Variants in SYNE1 observed in about 807,000 individuals in gnomAD.
SYNE1 encodes nesprin-1.
SYNE1 carries 616 observed loss-of-function variants against 1,111.0 expected under a neutral mutation model. The ratio of observed to expected loss-of-function variants is 0.55; its 90% CI spans 0.52 to 0.59. The LOEUF is 0.59. SYNE1 is among the 20% of genes least tolerant of loss of function. SYNE1 has a pLI of 0.00. For missense variants in SYNE1, 10,006 were observed against 10,417.0 expected (o/e 0.96, Z 1.72); for synonymous variants, 3,855 against 3,825.8 (o/e 1.01, Z -0.28).
intron 85 of SYNE1, among the ~76,000 whole-genome samples, chr6:152,318,659 A>G (rs915871438): frequency 6.6e-6 from 1 of 152,214 alleles, no homozygotes; most frequent in Non-Finnish European, 1.5e-5. Context: ...ATGCATGTAT[A>G]TTTATTAATA....
At chr6:152,219,385 A>G (rs958643665) in intron 119 of SYNE1, among the ~76,000 whole-genome samples, 200 bp from the exon 120 acceptor site, 28 of 152,112 alleles carry the variant, frequency 1.8e-4, no homozygotes, top group Admixed American at 1.6e-3. Flanking sequence ...TTAAACATAC[A>G]TTATACACAT....
chr6:152,300,729 C>T lies in SYNE1; in HGVS notation c.17594G>A (p.Gly5865Glu). ...AATCTCACTGTTGGTTCCCTCCTCC[C>T]CAGACTCCTCAGTGACCGGTGACAG... ...TLLSPVTEES[G>E]EEGTNSEISS... The change falls in exon 93 of 146, where the codon GGG becomes GAG. Residue 5865 changes from glycine (G) to glutamate (E), a missense_variant. Coordinates refer to ENST00000367255, the MANE Select transcript of SYNE1 (RefSeq NM_182961.4). 6.2e-7 allele frequency: 1 copy of T among 1,614,194 alleles called. No individual in the cohort carries two copies. The highest frequency in any genetic ancestry group is 8.5e-7 in the Non-Finnish European group (1 of 1,180,032).
At chr6:152,189,635 C>T (rs1198782710) in intron 127 of SYNE1, among the ~76,000 whole-genome samples, 1 of 152,052 alleles carries the variant, frequency 6.6e-6, no homozygotes, top group African/African-American at 2.4e-5. Context: ...TTTCTCAGTG[C>T]ATATAAAAGT....
In SYNE1 at chr6:152,238,415, G is replaced by A. The variant is rs377691241; in HGVS notation, c.20067+1118C>T. The stretch of plus-strand genomic sequence containing the variant: ...AGATGGATTCATGTAAATGTAAGAA[G>A]TCTTGCCAGGGACCTGACATGTCAA... On this transcript the variant is annotated intron_variant, in intron 108 of 145. Transcript: ENST00000367255. 1.4e-4 allele frequency among the ~76,000 whole-genome samples: 22 copies of A among 152,272 alleles called. No individual in the cohort carries two copies. In the South Asian group the frequency reaches 3.1e-3, roughly 22 times the overall value.
At chr6:152,427,005 T>C (rs2098368439) in intron 38 of SYNE1, among the ~76,000 whole-genome samples, 1 of 152,254 alleles carries the variant, frequency 6.6e-6, no homozygotes, top group Non-Finnish European at 1.5e-5. Flanking sequence ...TAAATCTTTT[T>C]TGAGAAGCAA....
At chr6:152,203,855 C>CA (rs964764022) in intron 126 of SYNE1, among the ~76,000 whole-genome samples, 6 of 151,070 alleles carry the variant, frequency 4.0e-5, no homozygotes, top group Admixed American at 6.6e-5. Context: ...TCTTAAAAAA[C>CA]AAAAAAAAAT....
intron 137 of SYNE1, chr6:152,146,065 TGA>T (rs2059458783): frequency 6.1e-6 from 1 of 162,690 alleles, no homozygotes; most frequent in South Asian, 1.4e-4. Context: ...TCACAGTGAC[TGA>T]GAGTGTTTTT....
chr6:152,620,552 A>C (rs1254633116), intron 3 of SYNE1, among the ~76,000 whole-genome samples: 3 of 152,096 alleles, frequency 2.0e-5, no homozygotes, highest in African/African-American at 7.2e-5. Context: ...GTTTTTCTTT[A>C]TTTCAAAACT....
chr6:152,220,633 T>A (rs1454244240), intron 119 of SYNE1, among the ~76,000 whole-genome samples: 6 of 152,176 alleles, frequency 3.9e-5, no homozygotes, highest in African/African-American at 1.2e-4. Flanking sequence ...CAACTCATTT[T>A]AAAAAATAAA....
At chr6:152,299,698 T>A (rs78816883) in intron 93 of SYNE1, among the ~76,000 whole-genome samples, 1 of 151,920 alleles carries the variant, frequency 6.6e-6, no homozygotes, top group Non-Finnish European at 1.5e-5. Context: ...TTTTTTTTTT[T>A]AATGAGGGGG....
intron 21 of SYNE1, among the ~76,000 whole-genome samples, chr6:152,459,535 A>G (rs1229704583): frequency 1.3e-5 from 2 of 152,170 alleles, no homozygotes; most frequent in Non-Finnish European, 2.9e-5. Context: ...GAAGCTTCCC[A>G]TGCTAGGGGA....
At position 152,369,531 on chromosome 6, in the gene SYNE1, A is replaced by C. The variant is rs375436121; in HGVS notation, c.9591T>G (p.His3197Gln). The C allele has an allele frequency of 6.2e-7, 1 of 1,614,198 alleles. No homozygotes were observed. The highest frequency in any genetic ancestry group is 1.1e-5 in the South Asian group (1 of 91,080). The change falls in exon 60 of 146, where the codon CAT (histidine) becomes CAG (glutamine). Residue 3197 changes from histidine (H) to glutamine (Q), a missense_variant. Physicochemically the swap from His to Gln is conservative, Grantham distance 24 (BLOSUM62 0). Coordinates refer to ENST00000367255, the MANE Select transcript of SYNE1 (RefSeq NM_182961.4). ...DWLSKTEKMV[H>Q]ESSNRLYDLP... is the part of the protein sequence containing the mutation. ...GATCATAGAGGCGATTGCTGCTTTC[A>C]TGGACCATCTTCTCAGTTTTACTCA...
rs73629803 is a variant in SYNE1, at chr6:152,442,493, G to C, written c.3838-248C>G. Among the ~76,000 whole-genome samples the C allele has an allele frequency of 4.1e-3, 622 of 152,286 alleles. 5 individuals carry two copies. The highest frequency in any genetic ancestry group is 0.014 in the African/African-American group (569 of 41,542). On this transcript the variant is annotated intron_variant, in intron 30 of 145. Coordinates refer to ENST00000367255, the MANE Select transcript of SYNE1 (RefSeq NM_182961.4). ...GCTTTCGTGTTTTGTGTGCAAATTT[G>C]GAGAATATTTAGCATTTTGTGCAAT...
chr6:152,159,793 T>C (rs191925785), intron 131 of SYNE1, among the ~76,000 whole-genome samples: 171 of 152,298 alleles, frequency 1.1e-3, no homozygotes, highest in African/African-American at 3.9e-3. Flanking sequence ...CTCAGTAATA[T>C]ATAACTTCTC....
Position 152,310,813 on chromosome 6 carries a change from G to A in SYNE1, c.16771C>T (p.Gln5591Ter), listed in dbSNP as rs1272252337. ...GTACAGTACACGCTAGTGAGGTACT[G>A]TAATTTCTCAGTCATTGCTTCCAGC... ...SELEAMTEKL[Q>*]YLTSVYCTEK... The change falls in exon 88 of 146, where the codon CAG becomes TAG. Residue 5591 changes from glutamine to a stop codon, truncating the protein, a stop_gained. Coordinates refer to ENST00000367255, the MANE Select transcript of SYNE1 (RefSeq NM_182961.4). LOFTEE classifies it high-confidence loss of function. 2 of 1,614,078 alleles carry A rather than the reference G, an allele frequency of 1.2e-6. No homozygotes were observed. Among genetic ancestry groups the A allele is most frequent in the South Asian group, 2.2e-5 (2 of 91,070 alleles).
At chr6:152,351,101 G>A (rs756221471) in intron 70 of SYNE1, among the ~76,000 whole-genome samples, 4 of 152,084 alleles carry the variant, frequency 2.6e-5, no homozygotes, top group Non-Finnish European at 1.5e-5. Context: ...ACATAAAAAG[G>A]CCACTATCTT....
At chr6:152,384,099 C>G (rs12526738) in intron 55 of SYNE1, among the ~76,000 whole-genome samples, 20,874 of 152,148 alleles carry the variant, frequency 0.14, 2,897 homozygotes, top group African/African-American at 0.35. Flanking sequence ...ATCTAATTTG[C>G]TTGTCAAAAC....
chr6:152,510,464 G>T, intron 7 of SYNE1, 93 bp from the exon 8 acceptor site: 1 of 1,414,918 alleles, frequency 7.1e-7, no homozygotes, highest in Non-Finnish European at 9.8e-7. Context: ...AATGAGTTAT[G>T]TTAACACTCT....
intron 95 of SYNE1, among the ~76,000 whole-genome samples, chr6:152,286,963 G>T (rs923049171): frequency 6.6e-6 from 1 of 152,194 alleles, no homozygotes; most frequent in Non-Finnish European, 1.5e-5. Context: ...TACTCAAAGC[G>T]TGGTCCACAG....
Sources: allele counts gnomAD v4.1 joint callset (sites outside exome capture counted in the v4.1 genomes callset), GRCh38; gene constraint gnomAD v4.1.1; transcripts MANE v1.5; gene names NCBI Gene and HGNC (gene_info 2026-07-23, HGNC 2026-07-21).